Variants in SOX5 observed in about 807,000 individuals in gnomAD.
SOX5 encodes the protein SRY-box transcription factor 5.
In SOX5, 9 loss-of-function variants were observed where a neutral mutation model predicts 92.0. The ratio of observed to expected loss-of-function variants is 0.10; its 90% CI spans 0.06 to 0.17. The LOEUF (loss-of-function observed/expected upper bound fraction) is 0.17. Among genes scored for constraint, SOX5 ranks in the 10% least tolerant of loss-of-function variants. The pLI is 1.00. For missense variants in SOX5, 642 were observed against 944.5 expected, an observed-to-expected ratio of 0.68 and a Z score of 4.20; for synonymous variants, 344 against 336.3, an observed-to-expected ratio of 1.02 and a Z score of -0.25.
intron 1 of SOX5, among the ~76,000 whole-genome samples, chr12:24,478,540 C>T (rs1341196447): frequency 6.6e-6 from 1 of 152,222 alleles, no homozygotes; most frequent in Non-Finnish European, 1.5e-5. Flanking sequence ...ATCCCTCAAG[C>T]TCCATTAATT....
chr12:23,966,351 A>G (rs10771045), intron 4 of SOX5, among the ~76,000 whole-genome samples: 97,108 of 151,872 alleles, frequency 0.64, 31,295 homozygotes, highest in East Asian at 0.83. Context: ...TTTGTTCAGT[A>G]ACTGTCATCA....
chr12:23,945,172 T>C (rs1374698747), intron 1 of SOX5, among the ~76,000 whole-genome samples: 2 of 152,164 alleles, frequency 1.3e-5, no homozygotes, highest in Non-Finnish European at 2.9e-5. Context: ...AGGAGTATAA[T>C]CCATATGAAA....
At position 24,355,282 on chromosome 12, in the gene SOX5, C is replaced by CAATTTTT. The variant is rs1221012836; in HGVS notation, c.-174+13280_-174+13281insAAAAATT. Reference sequence around the variant, plus strand: ...TTAGCAGGTGTGGTGAGGGGTGCATCTTTTTTTTTTTTTTTTTTTTTTTTT... The same window carrying CAATTTTT: ...TTAGCAGGTGTGGTGAGGGGTGCATCAATTTTTTTTTTTTTTTTTTTTTTTTTTTTTT... On this transcript the variant is annotated intron_variant, in intron 2 of 4. Transcript: ENST00000446891. Among the ~76,000 whole-genome samples, 84 of 71,928 alleles carry CAATTTTT rather than the reference C, an allele frequency of 1.2e-3. 1 individual carries two copies. The highest frequency in any genetic ancestry group is 2.0e-3 in the African/African-American group (27 of 13,612). The allele number at this position is 71,928 out of a possible 152,430, so 47.2% of individuals were successfully genotyped here.
At chr12:24,004,156 T>C (rs147023846) in intron 4 of SOX5, among the ~76,000 whole-genome samples, 44 of 151,854 alleles carry the variant, frequency 2.9e-4, no homozygotes, top group African/African-American at 9.7e-4. Context: ...ATGCTCAAAA[T>C]TGATCACAGA....
intron 4 of SOX5, among the ~76,000 whole-genome samples, chr12:23,754,383 A>G (rs1216731957): frequency 2.0e-5 from 3 of 151,804 alleles, no homozygotes; most frequent in Non-Finnish European, 2.9e-5. Flanking sequence ...AATAATATCA[A>G]GGACCTGCCG....
chr12:24,030,179 A>G lies in SOX5; in HGVS notation c.-1-134155T>C, dbSNP rs532306242. ...TATGCCAACTTTGTAAAACACAAATAATACTATTTTTTTGATAGTTCACTA... is the reference window on the plus strand; with the variant it reads ...TATGCCAACTTTGTAAAACACAAATGATACTATTTTTTTGATAGTTCACTA... On this transcript the variant is annotated intron_variant, in intron 4 of 4. Transcript: ENST00000446891. 9.9e-5 allele frequency among the ~76,000 whole-genome samples: 15 copies of G among 152,074 alleles called. No individual in the cohort carries two copies. In the South Asian group the frequency reaches 1.9e-3, roughly 19 times the overall value.
In SOX5 at chr12:23,908,666, A is replaced by G. The variant is rs1043752051; in HGVS notation, c.39-12642T>C. On this transcript the variant is annotated intron_variant, in intron 1 of 14. Transcript: ENST00000451604. The stretch of plus-strand genomic sequence containing the variant: ...AGATAAATTTTCCGAACTTCTCAGC[A>G]AAAATAAAGAATATGCCATCCTAAT... Among the ~76,000 whole-genome samples the G allele has an allele frequency of 2.6e-5, 4 of 151,938 alleles. No individual in the cohort carries two copies. The East Asian group carries it at 5.8e-4, about 22-fold the overall frequency.
chr12:23,792,656 A>C (rs12813765), intron 3 of SOX5, among the ~76,000 whole-genome samples: 1 of 145,284 alleles, frequency 6.9e-6, no homozygotes, highest in Non-Finnish European at 1.5e-5. Flanking sequence ...AAAAAAAAAA[A>C]AAAAAACTTG....
At position 23,975,276 on chromosome 12, in the gene SOX5, A is replaced by C. The variant is rs547437517; in HGVS notation, c.-1-79252T>G. 2.0e-5 allele frequency among the ~76,000 whole-genome samples: 3 copies of C among 152,292 alleles called. No homozygotes were observed. In the East Asian group the frequency reaches 5.8e-4, roughly 29 times the overall value. The stretch of plus-strand genomic sequence containing the variant: ...TTTTCCTTTCTTACTGATCCTCGAT[A>C]CTATAACAATAAACCAAACCAGAAC... On this transcript the variant is annotated intron_variant, in intron 4 of 4. Transcript: ENST00000446891.
intron 2 of SOX5, among the ~76,000 whole-genome samples, chr12:24,321,829 A>G (rs1162356768): frequency 3.3e-5 from 5 of 152,298 alleles, no homozygotes; most frequent in East Asian, 3.9e-4. Flanking sequence ...TAAGCGGGGG[A>G]AAAGTTATAT....
intron 1 of SOX5, among the ~76,000 whole-genome samples, chr12:24,520,229 G>A (rs74070937): frequency 1.2e-3 from 178 of 152,064 alleles, no homozygotes; most frequent in African/African-American, 4.0e-3. Flanking sequence ...GTAACATGAA[G>A]GCATAAATCT....
At chr12:24,392,510 T>C (rs1959096354) in intron 1 of SOX5, among the ~76,000 whole-genome samples, 3 of 151,878 alleles carry the variant, frequency 2.0e-5, no homozygotes. Flanking sequence ...CCACAGATCT[T>C]CACATGACTT....
chr12:24,112,099 T>C (rs1947417942), intron 4 of SOX5, among the ~76,000 whole-genome samples: 1 of 152,216 alleles, frequency 6.6e-6, no homozygotes, highest in Non-Finnish European at 1.5e-5. Context: ...ATGTATACCA[T>C]GGCTTCGCTA....
At chr12:24,379,276 G>T (rs1957585041) in intron 1 of SOX5, among the ~76,000 whole-genome samples, 1 of 152,138 alleles carries the variant, frequency 6.6e-6, no homozygotes, top group Admixed American at 6.6e-5. Flanking sequence ...TGCCAAAAAG[G>T]CCAAATAGAG....
intron 2 of SOX5, among the ~76,000 whole-genome samples, chr12:24,322,391 A>G (rs575105607): frequency 1.3e-3 from 1 of 792 alleles, no homozygotes; most frequent in South Asian, 0.25. Context: ...TAGAAAGCAT[A>G]AAAACTAAAG....
chr12:23,608,629 T>C (rs767368243), intron 8 of SOX5, among the ~76,000 whole-genome samples: 1 of 152,116 alleles, frequency 6.6e-6, no homozygotes, highest in Non-Finnish European at 1.5e-5. Flanking sequence ...CAGAACTGAA[T>C]TCTAATTGCA....
At chr12:23,897,749 AACC>A (rs1393937272) in intron 1 of SOX5, among the ~76,000 whole-genome samples, 2 of 152,160 alleles carry the variant, frequency 1.3e-5, no homozygotes, top group Non-Finnish European at 2.9e-5. Context: ...CTTAACAGTA[AACC>A]GATCAGATGT....
chr12:23,874,065 T>A (rs1367245281), intron 2 of SOX5, among the ~76,000 whole-genome samples: 2 of 152,162 alleles, frequency 1.3e-5, no homozygotes, highest in African/African-American at 4.8e-5. Flanking sequence ...AAAAGTATAT[T>A]CTCTTGTGTA....
intron 4 of SOX5, among the ~76,000 whole-genome samples, chr12:24,117,473 C>T (rs529746784): frequency 1.4e-4 from 21 of 146,580 alleles, no homozygotes; most frequent in African/African-American, 4.8e-4. Flanking sequence ...TATATATATA[C>T]GTAAAGGAAT....
Sources: allele counts gnomAD v4.1 joint callset (sites outside exome capture counted in the v4.1 genomes callset), GRCh38; gene constraint gnomAD v4.1.1; transcripts MANE v1.5; gene names NCBI Gene and HGNC (gene_info 2026-07-23, HGNC 2026-07-21).